The following SOX5 variants were observed in gnomAD, a reference collection of about 807,000 sequenced individuals.
SOX5 encodes transcription factor SOX-5.
In SOX5, 9 loss-of-function variants were observed where a neutral mutation model predicts 92.0. That is an observed-to-expected ratio of 0.10 (90% CI 0.06 to 0.17). The LOEUF is 0.17. SOX5 is among the 10% of genes least tolerant of loss of function. The pLI is 1.00. For missense variants in SOX5, 642 were observed against 944.5 expected (o/e 0.68, Z 4.20); for synonymous variants, 344 against 336.3 (o/e 1.02, Z -0.25).
chr12:23,580,845 A>G (rs1363028178), intron 9 of SOX5, among the ~76,000 whole-genome samples: 1 of 152,074 alleles, frequency 6.6e-6, no homozygotes, highest in Non-Finnish European at 1.5e-5. Context: ...GAAAATTTGC[A>G]ACAGATTAAA....
chr12:23,635,048 T>C (rs552346777), intron 8 of SOX5, among the ~76,000 whole-genome samples: 11 of 152,276 alleles, frequency 7.2e-5, no homozygotes, highest in African/African-American at 2.6e-4. Context: ...TGCTAGAAAG[T>C]ATGATTTAAA....
chr12:23,866,408 C>T (rs1317298102), intron 2 of SOX5, among the ~76,000 whole-genome samples: 1 of 152,152 alleles, frequency 6.6e-6, no homozygotes, highest in Non-Finnish European at 1.5e-5. Flanking sequence ...GTGCCCAAAA[C>T]AGCTCTGTGA....
intron 4 of SOX5, among the ~76,000 whole-genome samples, chr12:24,011,805 A>C (rs1952973705): frequency 6.6e-6 from 1 of 152,204 alleles, no homozygotes. Context: ...TCAACTTTTA[A>C]AATGACACTT....
intron 4 of SOX5, among the ~76,000 whole-genome samples, chr12:24,073,001 G>C (rs1248988034): frequency 6.6e-6 from 1 of 152,048 alleles, no homozygotes; most frequent in Non-Finnish European, 1.5e-5. Flanking sequence ...TCCTAAAATG[G>C]ATACCTCAAA....
rs145537311 is a variant in SOX5 at position 24,083,140 on chromosome 12, C to T, written c.-2+130203G>A. On this transcript the variant is annotated intron_variant, in intron 4 of 4. Coordinates refer to the SOX5 transcript ENST00000446891. ...ACTAAAAATGCATTCCCTAATCAAACGGCTGATAATTTTTCAAGTGTATTC... is the reference window on the plus strand; with the variant it reads ...ACTAAAAATGCATTCCCTAATCAAATGGCTGATAATTTTTCAAGTGTATTC... 1.4e-4 allele frequency among the ~76,000 whole-genome samples: 22 copies of T among 152,012 alleles called. No homozygotes were observed. The East Asian group carries it at 1.5e-3, about 11-fold the overall frequency.
In SOX5 at chr12:23,533,162, G is replaced by T; in HGVS notation, c.*1057C>A. 2.2e-6 allele frequency: 1 copy of T among 456,458 alleles called. No homozygotes were observed. The allele number at this position is 456,458 out of a possible 1,614,324, so 28.3% of individuals were successfully genotyped here. ...AAGATTATTTCTAGACCAGTCACTT[G>T]GGAGGATGTGGGATTTCATCCCCAG... is the stretch of plus-strand genomic sequence containing the variant. On this transcript the variant is annotated 3_prime_UTR_variant, in exon 15 of 15. Coordinates refer to ENST00000451604, the MANE Select transcript of SOX5 (RefSeq NM_006940.6).
At chr12:24,020,010 T>C (rs1954103117) in intron 4 of SOX5, among the ~76,000 whole-genome samples, 1 of 152,220 alleles carries the variant, frequency 6.6e-6, no homozygotes, top group East Asian at 1.9e-4. Context: ...TAGGCCCTTT[T>C]AGTAATTAAA....
intron 4 of SOX5, among the ~76,000 whole-genome samples, chr12:24,051,557 TA>T (rs1475324056): frequency 6.6e-6 from 1 of 152,214 alleles, no homozygotes; most frequent in Non-Finnish European, 1.5e-5. Flanking sequence ...GATATCTGTT[TA>T]AGTAATTTTT....
At chr12:24,349,143 C>T (rs1167112886) in intron 2 of SOX5, among the ~76,000 whole-genome samples, 1 of 152,200 alleles carries the variant, frequency 6.6e-6, no homozygotes, top group Non-Finnish European at 1.5e-5. Flanking sequence ...TATTTCGCTC[C>T]TTGGCTTTTG....
Position 24,531,305 on chromosome 12 carries a change from T to C in SOX5, c.-251+31024A>G, listed in dbSNP as rs189264245. On this transcript the variant is annotated intron_variant, in intron 1 of 4. Coordinates refer to the SOX5 transcript ENST00000446891. ...CTTAATATGAGACACAAAAAGCCAC[T>C]GAAATTATTTTTTCCATTTGGACAA... Among the ~76,000 whole-genome samples the C allele has an allele frequency of 6.6e-5, 10 of 152,258 alleles. No individual in the cohort carries two copies. The East Asian group carries it at 1.9e-3, about 29-fold the overall frequency.
chr12:24,051,417 TTAAAAA>T (rs530116691), intron 4 of SOX5, among the ~76,000 whole-genome samples: 186 of 152,074 alleles, frequency 1.2e-3, no homozygotes, highest in African/African-American at 4.3e-3. Context: ...TCAAGTGCAC[TTAAAAA>T]TAAGGAAAGA....
intron 9 of SOX5, among the ~76,000 whole-genome samples, chr12:23,598,507 T>C (rs1952864948): frequency 6.8e-6 from 1 of 147,562 alleles, no homozygotes; most frequent in South Asian, 2.2e-4. Context: ...CATGCTATTC[T>C]CCTGCCTCAG....
intron 4 of SOX5, among the ~76,000 whole-genome samples, chr12:24,032,821 A>G (rs1440812986): frequency 6.6e-6 from 1 of 151,954 alleles, no homozygotes; most frequent in Admixed American, 6.6e-5. Context: ...GTTAATGAAT[A>G]GCATTTTATT....
At chr12:24,173,765 A>C (rs967341787) in intron 4 of SOX5, among the ~76,000 whole-genome samples, 2 of 152,212 alleles carry the variant, frequency 1.3e-5, no homozygotes, top group Non-Finnish European at 2.9e-5. Flanking sequence ...TGTGAGGCTC[A>C]GGAATTTTTA....
intron 2 of SOX5, among the ~76,000 whole-genome samples, chr12:24,349,545 T>C (rs1169105122): frequency 6.6e-6 from 1 of 152,204 alleles, no homozygotes; most frequent in Non-Finnish European, 1.5e-5. Flanking sequence ...TGTCTTTTAG[T>C]GACTAGCTTA....
At chr12:23,837,265 T>TATATAATATATATTTATATTTATATA (rs2096436124) in intron 3 of SOX5, among the ~76,000 whole-genome samples, 1 of 69,582 alleles carries the variant, frequency 1.4e-5, no homozygotes, top group Non-Finnish European at 3.2e-5. Context: ...ATTTATATAA[T>TATATAATATATATTTATATTTATATA]ATATAATATG....
intron 1 of SOX5, among the ~76,000 whole-genome samples, chr12:24,454,659 T>C (rs1387343388): frequency 1.3e-5 from 2 of 152,244 alleles, no homozygotes; most frequent in African/African-American, 4.8e-5. Flanking sequence ...TAAAAATTTC[T>C]TCTTCAATGC....
chr12:24,024,507 T>C (rs914497655), intron 4 of SOX5, among the ~76,000 whole-genome samples: 4 of 152,038 alleles, frequency 2.6e-5, no homozygotes, highest in Non-Finnish European at 5.9e-5. Context: ...GTAAGTAGTA[T>C]AGCTTAAAAA....
At chr12:23,670,846 A>G (rs1366980136) in intron 6 of SOX5, among the ~76,000 whole-genome samples, 1 of 152,080 alleles carries the variant, frequency 6.6e-6, no homozygotes, top group Non-Finnish European at 1.5e-5. Flanking sequence ...AGATGCCAAG[A>G]CCTTAGGTGA....
Sources: allele counts gnomAD v4.1 joint callset (sites outside exome capture counted in the v4.1 genomes callset), GRCh38; gene constraint gnomAD v4.1.1; transcripts MANE v1.5; gene names NCBI Gene and HGNC (gene_info 2026-07-23, HGNC 2026-07-21).